Variants in ABCA1 observed in about 807,000 individuals in gnomAD.
ABCA1 encodes phospholipid-transporting ATPase ABCA1.
A neutral mutation model predicts 262.5 loss-of-function variants in ABCA1; 133 were observed. The observed-to-expected ratio is 0.51, with a 90% confidence interval of 0.44 to 0.59. The LOEUF is 0.59. Among genes scored for constraint, ABCA1 ranks in the 20% least tolerant of loss-of-function variants. ABCA1 has a pLI of 0.00. For synonymous variants in ABCA1, 1,022 were observed against 1,043.5 expected (o/e 0.98, Z 0.40); for missense variants, 2,452 against 2,777.5 (o/e 0.88, Z 2.63).
chr9:104,873,442 G>A (rs987924075), intron 5 of ABCA1, among the ~76,000 whole-genome samples: 2 of 152,228 alleles, frequency 1.3e-5, no homozygotes, highest in Non-Finnish European at 2.9e-5. Context: ...CCTGAAGCCA[G>A]GAAGTGGAGT....
chr9:104,855,560 T>G, intron 7 of ABCA1: 1 of 1,085,320 alleles, frequency 9.2e-7, no homozygotes, highest in Middle Eastern at 3.2e-4. Context: ...ACTACTCATG[T>G]CAATTAAATT....
chr9:104,896,195 AAAT>A (rs1379449243), intron 2 of ABCA1, among the ~76,000 whole-genome samples: 1 of 152,204 alleles, frequency 6.6e-6, no homozygotes, highest in Admixed American at 6.5e-5. Context: ...AAATTCTCCT[AAAT>A]AATAGCATTG....
rs58065385 is a variant in ABCA1 at position 104,891,676 on chromosome 9, C to T, written c.67-2481G>A. Reference sequence around the variant, plus strand: ...AGTGGATGTACTAGGATGATAAGAACGTAGGTGTGGCTGGCGCAGTGGCTC... The same window carrying T: ...AGTGGATGTACTAGGATGATAAGAATGTAGGTGTGGCTGGCGCAGTGGCTC... On this transcript the variant is annotated intron_variant, in intron 2 of 49. Coordinates refer to ENST00000374736, the MANE Select transcript of ABCA1 (RefSeq NM_005502.4). Among the ~76,000 whole-genome samples the T allele has an allele frequency of 1.8e-3, 272 of 151,184 alleles. 1 individual carries two copies. The highest frequency in any genetic ancestry group is 6.4e-3 in the African/African-American group (263 of 41,222).
intron 5 of ABCA1, among the ~76,000 whole-genome samples, chr9:104,878,859 G>A (rs947650832): frequency 2.0e-5 from 3 of 152,110 alleles, no homozygotes; most frequent in African/African-American, 4.8e-5. Context: ...ATAGTCCAGC[G>A]AATTTAGCAG....
Position 104,833,195 on chromosome 9 carries a change from G to A in ABCA1, c.1312-424C>T, listed in dbSNP as rs77518726. On this transcript the variant is annotated intron_variant, in intron 11 of 49. Transcript: ENST00000374736. ...TTTTTTGCCTTTTGTTGTTGTTGTC[G>A]TTTGGATTCAGTGTCTCGCTCTGCC... Among the ~76,000 whole-genome samples, 560 of 152,100 alleles carry A rather than the reference G, an allele frequency of 3.7e-3. 25 individuals are homozygous for A. In the East Asian group the frequency reaches 0.1, roughly 28 times the overall value.
chr9:104,850,750 C>T (rs1271827243), intron 7 of ABCA1, among the ~76,000 whole-genome samples: 1 of 152,208 alleles, frequency 6.6e-6, no homozygotes, highest in African/African-American at 2.4e-5. Context: ...ATCCTATTTC[C>T]AAAGAGCTTC....
chr9:104,819,889 G>A (rs746426984), intron 21 of ABCA1, 38 bp downstream of exon 21: 19 of 1,609,854 alleles, frequency 1.2e-5, no homozygotes, highest in Non-Finnish European at 1.5e-5. Flanking sequence ...GCCGGAGGAG[G>A]AGGGGAGAGG....
intron 7 of ABCA1, among the ~76,000 whole-genome samples, chr9:104,851,116 T>A (rs1478400049): frequency 6.6e-6 from 1 of 152,212 alleles, no homozygotes; most frequent in Non-Finnish European, 1.5e-5. Context: ...TCTGTGACAT[T>A]GGCCCCAGAA....
At chr9:104,792,029 G>A (rs1829471207) in intron 42 of ABCA1, 31 bp from the exon 43 acceptor site, 1 of 1,601,754 alleles carries the variant, frequency 6.2e-7, no homozygotes, top group Non-Finnish European at 8.5e-7. Flanking sequence ...ACATTCATAA[G>A]CCTCAGTGAC....
chr9:104,825,099 A>G (rs1031774009), intron 17 of ABCA1, among the ~76,000 whole-genome samples: 2 of 152,352 alleles, frequency 1.3e-5, no homozygotes, highest in African/African-American at 4.8e-5. Flanking sequence ...AAGAAGTACT[A>G]AAGAAAAATT....
At chr9:104,895,517 TG>T (rs1173732738) in intron 2 of ABCA1, among the ~76,000 whole-genome samples, 6 of 148,252 alleles carry the variant, frequency 4.0e-5, no homozygotes, top group Non-Finnish European at 1.5e-5. Context: ...GAGGGTGGGG[TG>T]GGGTAGGGGG....
At chr9:104,904,381 A>C (rs1840925570) in intron 1 of ABCA1, among the ~76,000 whole-genome samples, 1 of 152,102 alleles carries the variant, frequency 6.6e-6, no homozygotes, top group African/African-American at 2.4e-5. Context: ...CATCCTAGCC[A>C]ATACGGTGAA....
At chr9:104,915,842 G>C (rs925377295) in intron 1 of ABCA1, among the ~76,000 whole-genome samples, 3 of 152,140 alleles carry the variant, frequency 2.0e-5, no homozygotes, top group Admixed American at 2.0e-4. Flanking sequence ...CATCAGGTGA[G>C]AGCTGGTGTT....
At chr9:104,855,084 G>A (rs1212609758) in intron 7 of ABCA1, 9 of 852,590 alleles carry the variant, frequency 1.1e-5, no homozygotes, top group Non-Finnish European at 1.3e-5. Context: ...AGAATCTTTG[G>A]GTGAAAAGTC....
intron 4 of ABCA1, 117 bp downstream of exon 4, chr9:104,884,310 A>T: frequency 7.4e-7 from 1 of 1,356,488 alleles, no homozygotes; most frequent in Non-Finnish European, 1.0e-6. Flanking sequence ...CTATCACACA[A>T]GCATTTACAA....
At chr9:104,875,451 T>C (rs1201103961) in intron 5 of ABCA1, among the ~76,000 whole-genome samples, 1 of 151,808 alleles carries the variant, frequency 6.6e-6, no homozygotes, top group Non-Finnish European at 1.5e-5. Flanking sequence ...AAAGTGCAGC[T>C]GAAGGGAGAG....
chr9:104,892,360 A>T (rs1266453672), intron 2 of ABCA1, among the ~76,000 whole-genome samples: 2 of 135,558 alleles, frequency 1.5e-5, no homozygotes, highest in Non-Finnish European at 3.1e-5. Context: ...TATATATCAC[A>T]TTGCATATCT....
intron 25 of ABCA1, among the ~76,000 whole-genome samples, chr9:104,814,767 G>A (rs569241689): frequency 1.4e-4 from 22 of 152,250 alleles, no homozygotes; most frequent in Admixed American, 4.6e-4. Context: ...AGGCCGAGGC[G>A]GGCAGATCAC....
Position 104,850,808 on chromosome 9 carries a change from A to G in ABCA1, c.721-5239T>C, listed in dbSNP as rs561596266. 1.3e-4 allele frequency among the ~76,000 whole-genome samples: 20 copies of G among 152,360 alleles called. No homozygotes were observed. The South Asian group carries it at 4.1e-3, about 32-fold the overall frequency. On this transcript the variant is annotated intron_variant, in intron 7 of 49. Transcript: ENST00000374736. ...ATTCCTACTATTATTTTTCTAACCAAAAACATTCTCTTGGCTATGAACTCA... is the reference window on the plus strand; with the variant it reads ...ATTCCTACTATTATTTTTCTAACCAGAAACATTCTCTTGGCTATGAACTCA...
Sources: allele counts gnomAD v4.1 joint callset (sites outside exome capture counted in the v4.1 genomes callset), GRCh38; gene constraint gnomAD v4.1.1; transcripts MANE v1.5; gene names NCBI Gene and HGNC (gene_info 2026-07-23, HGNC 2026-07-21).